The following DPP10 variants were observed in gnomAD, a reference collection of about 807,000 sequenced individuals.
The protein encoded by DPP10 is dipeptidyl peptidase like 10, also known as inactive dipeptidyl peptidase 10.
DPP10 carries 33 observed loss-of-function variants against 120.9 expected under a neutral mutation model. The observed-to-expected ratio is 0.27, with a 90% CI of 0.21 to 0.37. The LOEUF is 0.37. Ranked by LOEUF, DPP10 falls within the 10% of genes least tolerant of loss-of-function variation. DPP10 has a pLI of 1.00. For missense variants in DPP10, 816 were observed against 942.8 expected, an observed-to-expected ratio of 0.87 and a Z score of 1.76; for synonymous variants, 337 against 326.1, an observed-to-expected ratio of 1.03 and a Z score of -0.36.
At chr2:114,632,713 C>CGT (rs1376909128) in intron 1 of DPP10, among the ~76,000 whole-genome samples, 2 of 151,840 alleles carry the variant, frequency 1.3e-5, no homozygotes, top group Non-Finnish European at 2.9e-5. Flanking sequence ...AGAGTTTCAC[C>CGT]GTGTTAGCCA....
intron 1 of DPP10, among the ~76,000 whole-genome samples, chr2:114,585,313 T>G (rs1237799365): frequency 2.6e-5 from 4 of 152,186 alleles, no homozygotes; most frequent in African/African-American, 9.7e-5. Context: ...CTATGCCATG[T>G]GCCTCCAGCG....
At position 115,844,217 on chromosome 2, in the gene DPP10, A is replaced by G. The variant is rs1198617382; in HGVS notation, c.*1872A>G. On this transcript the variant is annotated 3_prime_UTR_variant, in exon 26 of 26. Transcript: ENST00000410059. Reference sequence around the variant, plus strand: ...GAAATTTCTTTTTAGGCTAATTTGAAATCCAACTGAAGCTTTTTAACCAAT... The same window carrying G: ...GAAATTTCTTTTTAGGCTAATTTGAGATCCAACTGAAGCTTTTTAACCAAT... The G allele has an allele frequency of 6.6e-6, 1 of 152,554 alleles. No individual in the cohort carries two copies. The highest frequency in any genetic ancestry group is 1.9e-4 in the East Asian group (1 of 5,190). The allele number at this position is 152,554 out of a possible 1,614,324, so 9.5% of individuals were successfully genotyped here.
chr2:114,820,227 ATAT>A lies in DPP10; in HGVS notation c.60+377396_60+377398del, dbSNP rs1685976798. On this transcript the variant is annotated intron_variant, in intron 1 of 25. Coordinates refer to ENST00000410059, the MANE Select transcript of DPP10 (RefSeq NM_020868.6). Reference sequence around the variant, plus strand: ...AACCTCAACAACATCTCATGAGATAATATTATTATCACCATTTTACAGATGAAG... The same window carrying A: ...AACCTCAACAACATCTCATGAGATAATATTATCACCATTTTACAGATGAAG... 2.0e-5 allele frequency among the ~76,000 whole-genome samples: 3 copies of A among 152,314 alleles called. No individual in the cohort carries two copies. In the South Asian group the frequency reaches 6.2e-4, roughly 32 times the overall value.
chr2:115,628,703 A>C (rs2149308193), intron 5 of DPP10, among the ~76,000 whole-genome samples: 1 of 152,148 alleles, frequency 6.6e-6, no homozygotes, highest in East Asian at 1.9e-4. Flanking sequence ...TATAAGGTGT[A>C]AGGAGGGGTT....
chr2:115,693,227 T>C (rs925253702), intron 7 of DPP10, among the ~76,000 whole-genome samples: 5 of 152,164 alleles, frequency 3.3e-5, no homozygotes, highest in Admixed American at 1.3e-4. Context: ...TTCTGAAAAG[T>C]GGCAGCAAAA....
intron 1 of DPP10, among the ~76,000 whole-genome samples, chr2:114,809,967 T>C (rs573951436): frequency 2.6e-5 from 4 of 152,248 alleles, no homozygotes; most frequent in African/African-American, 7.2e-5. Context: ...TCCAATTGTA[T>C]ATCCAGCCCC....
intron 3 of DPP10, among the ~76,000 whole-genome samples, chr2:115,476,333 C>G (rs762005075): frequency 2.0e-5 from 3 of 152,110 alleles, no homozygotes; most frequent in Non-Finnish European, 2.9e-5. Context: ...CATGCCTGCT[C>G]CCCCTTTGCC....
intron 1 of DPP10, among the ~76,000 whole-genome samples, chr2:114,712,635 T>C (rs1393949907): frequency 6.6e-6 from 1 of 152,200 alleles, no homozygotes; most frequent in Non-Finnish European, 1.5e-5. Context: ...TTGTAAAATG[T>C]ATCCATCATT....
At chr2:114,950,900 G>C (rs1481739671) in intron 1 of DPP10, among the ~76,000 whole-genome samples, 1 of 152,102 alleles carries the variant, frequency 6.6e-6, no homozygotes, top group Non-Finnish European at 1.5e-5. Context: ...TTGGTAGGTT[G>C]GCCTAACATT....
intron 5 of DPP10, among the ~76,000 whole-genome samples, chr2:115,597,130 A>T (rs1322637984): frequency 1.3e-5 from 2 of 151,982 alleles, no homozygotes; most frequent in Non-Finnish European, 2.9e-5. Context: ...CCCCCAAAAG[A>T]GACAAACACA....
intron 1 of DPP10, among the ~76,000 whole-genome samples, chr2:114,468,914 C>A (rs192045449): frequency 6.6e-6 from 1 of 151,930 alleles, no homozygotes; most frequent in African/African-American, 2.4e-5. Context: ...AATGCTATTT[C>A]TAGTGTTCTC....
At chr2:115,468,498 A>C (rs1362364892) in intron 3 of DPP10, 1 of 437,950 alleles carries the variant, frequency 2.3e-6, no homozygotes, top group Non-Finnish European at 4.5e-6. Context: ...TCTGTGTTAC[A>C]CAGATTCTCC....
intron 5 of DPP10, among the ~76,000 whole-genome samples, chr2:115,573,163 A>G (rs549225897): frequency 3.4e-4 from 51 of 152,222 alleles, no homozygotes; most frequent in African/African-American, 1.2e-3. Context: ...CAGTCAGAGC[A>G]TGGTATAGTC....
rs2149580587 is a variant in DPP10 at position 115,713,199 on chromosome 2, G to A, written c.577-14617G>A. Among the ~76,000 whole-genome samples the A allele has an allele frequency of 1.3e-5, 2 of 152,194 alleles. 1 individual carries two copies. The highest frequency in any genetic ancestry group is 4.2e-4 in the South Asian group (2 of 4,818). On this transcript the variant is annotated intron_variant, in intron 7 of 25. Coordinates refer to ENST00000410059, the MANE Select transcript of DPP10 (RefSeq NM_020868.6). ...AGCATCTTGAGGTGTGAGTTGATAAGCAGCAGTCATGAGAGAGGGCAGCTG... is the reference window on the plus strand; with the variant it reads ...AGCATCTTGAGGTGTGAGTTGATAAACAGCAGTCATGAGAGAGGGCAGCTG...
chr2:114,935,548 G>A (rs1696398397), intron 1 of DPP10, among the ~76,000 whole-genome samples: 2 of 152,150 alleles, frequency 1.3e-5, no homozygotes, highest in African/African-American at 4.8e-5. Context: ...TTCCATGGTA[G>A]TGTCATTTAA....
intron 5 of DPP10, among the ~76,000 whole-genome samples, chr2:115,538,293 C>T (rs1558818112): frequency 1.3e-5 from 2 of 151,968 alleles, no homozygotes. Context: ...TTGAAGCTGG[C>T]TGAATAGCCA....
At chr2:115,452,965 C>G (rs960411738) in intron 3 of DPP10, among the ~76,000 whole-genome samples, 1 of 151,668 alleles carries the variant, frequency 6.6e-6, no homozygotes, top group African/African-American at 2.4e-5. Flanking sequence ...TTTTTTCTTA[C>G]CTTTCACTAC....
Position 114,622,320 on chromosome 2 carries a change from G to A in DPP10, c.60+179482G>A, listed in dbSNP as rs557734977. ...TGGTTCAAAAGAAAGTATTGACTGT[G>A]TAAATCCACACAGTAAGTTTTTGAA... On this transcript the variant is annotated intron_variant, in intron 1 of 25. Transcript: ENST00000410059. Among the ~76,000 whole-genome samples the A allele has an allele frequency of 3.3e-5, 5 of 151,742 alleles. No individual in the cohort carries two copies. In the South Asian group the frequency reaches 1.0e-3, roughly 32 times the overall value.
At chr2:114,466,498 C>T (rs1339531394) in intron 1 of DPP10, among the ~76,000 whole-genome samples, 5 of 152,102 alleles carry the variant, frequency 3.3e-5, no homozygotes, top group African/African-American at 9.7e-5. Context: ...ACTCTGTTTC[C>T]GGGATTTGAA....
Sources: allele counts gnomAD v4.1 joint callset (sites outside exome capture counted in the v4.1 genomes callset), GRCh38; gene constraint gnomAD v4.1.1; transcripts MANE v1.5; gene names NCBI Gene and HGNC (gene_info 2026-07-23, HGNC 2026-07-21).